CRYL1: variants seen among roughly 807,000 people sequenced by gnomAD.
CRYL1 encodes the protein crystallin lambda 1, also known as lambda-crystallin homolog.
A neutral mutation model predicts 36.6 loss-of-function variants in CRYL1; 29 were observed. That is an observed-to-expected ratio of 0.79 (90% CI 0.59 to 1.08). The LOEUF (loss-of-function observed/expected upper bound fraction) is 1.08, where lower values mean the gene tolerates loss of function less well. Among genes scored for constraint, CRYL1 ranks in the 50% least tolerant of loss-of-function variants. CRYL1 has a pLI of 0.00. For missense variants in CRYL1, 411 were observed against 407.9 expected (o/e 1.01, Z -0.06); for synonymous variants, 152 against 151.5 (o/e 1.00, Z -0.02).
intron 2 of CRYL1, among the ~76,000 whole-genome samples, chr13:20,498,884 C>T (rs7335948): frequency 0.2 from 29,861 of 152,134 alleles, 3,036 homozygotes; most frequent in South Asian, 0.25. Context: ...ACTTCTGATC[C>T]TATTTTGTGA....
intron 5 of CRYL1, chr13:20,431,806 GTTA>G: frequency 1.5e-6 from 2 of 1,319,392 alleles, no homozygotes; most frequent in Non-Finnish European, 1.9e-6. Context: ...GGCCACATAG[GTTA>G]TTATGTCTAA....
rs147213234 is a variant in CRYL1, at chr13:20,492,181, G to A, written c.150-2685C>T. 3.3e-3 allele frequency among the ~76,000 whole-genome samples: 505 copies of A among 152,304 alleles called. 5 individuals carry two copies. Among genetic ancestry groups the A allele is most frequent in the African/African-American group, 0.012 (484 of 41,550 alleles). ...TTTATTCAGGAAAAGAGAGCACCAT[G>A]TGATCCAAAGCTCATTTATCATTCA... On this transcript the variant is annotated intron_variant, in intron 2 of 7. Transcript: ENST00000298248.
intron 3 of CRYL1, among the ~76,000 whole-genome samples, chr13:20,466,639 G>A (rs755545353): frequency 3.3e-5 from 5 of 150,970 alleles, no homozygotes; most frequent in Non-Finnish European, 1.5e-5. Context: ...TCTCTCTTAT[G>A]GTTCTGGTGA....
intron 3 of CRYL1, among the ~76,000 whole-genome samples, chr13:20,485,056 C>T (rs747069918): frequency 2.6e-5 from 4 of 152,076 alleles, no homozygotes; most frequent in Non-Finnish European, 4.4e-5. Context: ...CTCACTCTGT[C>T]GCCCAGGCTG....
At chr13:20,436,548 A>G (rs2032221570) in intron 4 of CRYL1, among the ~76,000 whole-genome samples, 1 of 152,184 alleles carries the variant, frequency 6.6e-6, no homozygotes, top group South Asian at 2.1e-4. Flanking sequence ...GAAAATGTCC[A>G]CAACAGAGCC....
intron 3 of CRYL1, among the ~76,000 whole-genome samples, chr13:20,462,702 A>G (rs538849371): frequency 1.3e-5 from 2 of 151,672 alleles, no homozygotes; most frequent in East Asian, 1.9e-4. Context: ...TTGGCACTTC[A>G]GCTTCGGGGG....
At chr13:20,477,007 A>C (rs2033180073) in intron 3 of CRYL1, 1 of 152,290 alleles carries the variant, frequency 6.6e-6, no homozygotes. Flanking sequence ...GAAAAATACA[A>C]AAAATTAGCC....
intron 7 of CRYL1, 119 bp from the exon 8 acceptor site, chr13:20,404,361 A>T: frequency 2.8e-6 from 2 of 706,450 alleles, no homozygotes; most frequent in South Asian, 3.6e-5. Context: ...AAAAGCAATA[A>T]ACCCTCAATG....
At chr13:20,470,926 A>C (rs533586676) in intron 3 of CRYL1, among the ~76,000 whole-genome samples, 6,074 of 144,414 alleles carry the variant, frequency 0.042, 527 homozygotes, top group African/African-American at 0.16. Context: ...AAAAAAAAAA[A>C]CAAAAAAAAA....
chr13:20,468,779 T>C (rs1009859249), intron 3 of CRYL1, among the ~76,000 whole-genome samples: 2 of 152,172 alleles, frequency 1.3e-5, no homozygotes, highest in African/African-American at 4.8e-5. Flanking sequence ...CTAATTTTTG[T>C]ATTTTTTAGT....
chr13:20,485,591 C>T (rs1429612303), intron 3 of CRYL1, among the ~76,000 whole-genome samples: 2 of 151,934 alleles, frequency 1.3e-5, no homozygotes, highest in Non-Finnish European at 2.9e-5. Flanking sequence ...ATCCCTTGAG[C>T]CCAGGAGGTG....
At chr13:20,510,804 A>T (rs2033901106) in intron 2 of CRYL1, among the ~76,000 whole-genome samples, 1 of 151,678 alleles carries the variant, frequency 6.6e-6, no homozygotes, top group Non-Finnish European at 1.5e-5. Flanking sequence ...GTAGAGATAG[A>T]GTTTCACCAT....
rs1332710718 is a variant in CRYL1 at position 20,435,114 on chromosome 13, GAGAA to G, written c.439-2822_439-2819del. Reference sequence around the variant, plus strand: ...GGTAGGAGGTTCAGTCTTATAAGAGGAGAAAGTTCCATGGATTGTTGGTGGTGGT... The same window carrying G: ...GGTAGGAGGTTCAGTCTTATAAGAGGAGTTCCATGGATTGTTGGTGGTGGT... On this transcript the variant is annotated intron_variant, in intron 4 of 7. Transcript: ENST00000298248. The surrounding 1 kb of genome is among the most constrained non-coding windows in gnomAD (Gnocchi z 4.0). 6.6e-6 allele frequency among the ~76,000 whole-genome samples: 1 copy of G among 152,212 alleles called. No homozygotes were observed. The highest frequency in any genetic ancestry group is 1.5e-5 in the Non-Finnish European group (1 of 68,046).
intron 5 of CRYL1, among the ~76,000 whole-genome samples, chr13:20,413,621 G>A (rs1172164764): frequency 6.6e-6 from 1 of 152,188 alleles, no homozygotes; most frequent in African/African-American, 2.4e-5. Flanking sequence ...GATGGGAGCT[G>A]AGACTAAACA....
intron 3 of CRYL1, among the ~76,000 whole-genome samples, chr13:20,478,256 T>C (rs572576919): frequency 6.6e-6 from 1 of 152,342 alleles, no homozygotes; most frequent in South Asian, 2.1e-4. Flanking sequence ...ATATTTATAT[T>C]TTCTACTTAA....
At chr13:20,474,285 G>T (rs4770039) in intron 3 of CRYL1, among the ~76,000 whole-genome samples, 3 of 152,094 alleles carry the variant, frequency 2.0e-5, no homozygotes, top group Non-Finnish European at 4.4e-5. Context: ...GGAAACCTCC[G>T]GTCCGGGACC....
chr13:20,447,523 C>T (rs189700830), intron 3 of CRYL1, among the ~76,000 whole-genome samples: 62 of 152,056 alleles, frequency 4.1e-4, no homozygotes, highest in Non-Finnish European at 4.9e-4. Flanking sequence ...CACCACCCCC[C>T]CTCCCTAGGC....
At position 20,420,702 on chromosome 13, in the gene CRYL1, T is replaced by TTTTTTTTTTTTTTTTTTTTTTGC. The variant is rs377096169; in HGVS notation, c.634-7316_634-7315insGCAAAAAAAAAAAAAAAAAAAAA. On this transcript the variant is annotated intron_variant, in intron 5 of 7. Transcript: ENST00000298248. ...TTTGACTTTTCTTTAAAATAGAGGT[T>TTTTTTTTTTTTTTTTTTTTTTGC]GTGTGTGTGTGTGTGTGTGTGTGTG... Among the ~76,000 whole-genome samples the TTTTTTTTTTTTTTTTTTTTTTGC allele has an allele frequency of 2.1e-5, 2 of 93,230 alleles. 1 individual carries two copies. The highest frequency in any genetic ancestry group is 2.7e-4 in the Admixed American group (2 of 7,288). The allele number at this position is 93,230 out of a possible 152,430, so 61.2% of individuals were successfully genotyped here.
chr13:20,439,664 T>C lies in CRYL1; in HGVS notation c.367A>G (p.Thr123Ala). The C allele has an allele frequency of 6.2e-7, 1 of 1,614,024 alleles. No homozygotes were observed. Among genetic ancestry groups the C allele is most frequent in the South Asian group, 1.1e-5 (1 of 91,070 alleles). ...AACTTGGAAGGCATGAGACAAGAAGTGGAACTGCTTAAGATCACTCGATCA... is the reference window on the plus strand; with the variant it reads ...AACTTGGAAGGCATGAGACAAGAAGCGGAACTGCTTAAGATCACTCGATCA... Reference protein sequence around the residue: ...IDDRVILSSSTSCLMPSKLFA... With the variant: ...IDDRVILSSSASCLMPSKLFA... Residue 123 changes from threonine to alanine, a missense_variant, in exon 4 of 8, where the codon ACT becomes GCT. By Grantham distance (58) the Thr-to-Ala change is moderately conservative. Coordinates refer to ENST00000298248, the MANE Select transcript of CRYL1 (RefSeq NM_015974.3).
Sources: gnomAD v4.1 joint callset for allele counts (sites outside exome capture counted in the v4.1 genomes callset) on GRCh38, gnomAD v4.1.1 for gene constraint, Gnocchi (gnomAD v3.1) non-coding constraint, MANE v1.5 for transcripts, NCBI Gene and HGNC (gene_info 2026-07-23, HGNC 2026-07-21) for gene names.